The following DLGAP2 variants were observed in gnomAD, a reference collection of about 807,000 sequenced individuals.
The protein encoded by DLGAP2 is DLG associated protein 2, also known as disks large-associated protein 2.
Under a neutral mutation model 100.3 loss-of-function variants are expected in DLGAP2, and 26 were observed. That is an observed-to-expected ratio of 0.26 (90% confidence interval 0.19 to 0.36). The LOEUF (loss-of-function observed/expected upper bound fraction) is 0.36, where lower values mean the gene tolerates loss of function less well. Ranked by LOEUF, DLGAP2 falls within the 10% of genes least tolerant of loss-of-function variation. The pLI is 1.00. For synonymous variants in DLGAP2, 886 were observed against 630.1 expected (o/e 1.41, Z -6.08); for missense variants, 1,858 against 1,453.2 (o/e 1.28, Z -4.53).
chr8:908,629 G>T lies in DLGAP2; in HGVS notation c.73+663G>T, dbSNP rs534800085. Reference sequence around the variant, plus strand: ...ATTAAGGGGAAAAAAGAATCAGTCAGGGCTTGTTATCCTGTGGATATGGAT... The same window carrying T: ...ATTAAGGGGAAAAAAGAATCAGTCATGGCTTGTTATCCTGTGGATATGGAT... On this transcript the variant is annotated intron_variant, in intron 2 of 14. Coordinates refer to ENST00000637795, the MANE Select transcript of DLGAP2 (RefSeq NM_001346810.2). 3.1e-4 allele frequency among the ~76,000 whole-genome samples: 47 copies of T among 152,284 alleles called. 1 individual carries two copies. The highest frequency in any genetic ancestry group is 1.0e-3 in the African/African-American group (42 of 41,566).
At chr8:809,802 G>A (rs1004956748) in intron 1 of DLGAP2, among the ~76,000 whole-genome samples, 5 of 152,200 alleles carry the variant, frequency 3.3e-5, no homozygotes, top group African/African-American at 1.2e-4. Context: ...GGTGTCCTAA[G>A]GTGATGAGTT....
chr8:1,312,209 C>G (rs909483867), intron 3 of DLGAP2, among the ~76,000 whole-genome samples: 6 of 152,180 alleles, frequency 3.9e-5, no homozygotes, highest in Admixed American at 1.3e-4. Flanking sequence ...CGACATAGAT[C>G]ACAGACCTAA....
chr8:1,091,467 A>T (rs542905146), intron 2 of DLGAP2, among the ~76,000 whole-genome samples: 2 of 152,350 alleles, frequency 1.3e-5, no homozygotes, highest in South Asian at 4.1e-4. Context: ...ACAAAGAGAA[A>T]TGGAACATCG....
intron 1 of DLGAP2, among the ~76,000 whole-genome samples, chr8:863,874 T>A (rs2128990390): frequency 6.6e-6 from 1 of 152,120 alleles, no homozygotes; most frequent in Non-Finnish European, 1.5e-5. Context: ...CCCAAGGAAA[T>A]GAGGTTGGTG....
chr8:1,273,912 C>G (rs1447171372), intron 3 of DLGAP2, among the ~76,000 whole-genome samples: 4 of 152,154 alleles, frequency 2.6e-5, no homozygotes, highest in Admixed American at 1.3e-4. Flanking sequence ...CGGGAATCTG[C>G]TCTGACTCTG....
chr8:940,752 G>A (rs1389773695), intron 2 of DLGAP2, among the ~76,000 whole-genome samples: 1 of 152,188 alleles, frequency 6.6e-6, no homozygotes, highest in Non-Finnish European at 1.5e-5. Flanking sequence ...GTTTTCTGCA[G>A]CCACTTTTGT....
At chr8:1,420,335 G>T (rs1797054693) in intron 3 of DLGAP2, among the ~76,000 whole-genome samples, 1 of 152,154 alleles carries the variant, frequency 6.6e-6, no homozygotes, top group African/African-American at 2.4e-5. Context: ...CTCTGAGCAA[G>T]AAGTCGCTCT....
intron 2 of DLGAP2, among the ~76,000 whole-genome samples, chr8:1,232,591 T>C (rs535531377): frequency 1.3e-5 from 2 of 152,348 alleles, no homozygotes; most frequent in African/African-American, 4.8e-5. Context: ...ATCCTTTACA[T>C]TGGCTGATGT....
intron 2 of DLGAP2, among the ~76,000 whole-genome samples, chr8:985,481 A>G (rs1239318251): frequency 6.6e-6 from 1 of 152,262 alleles, no homozygotes. Flanking sequence ...GTAGTCTCAA[A>G]GATGTTAATT....
intron 2 of DLGAP2, among the ~76,000 whole-genome samples, chr8:1,207,100 A>G (rs554843102): frequency 4.6e-5 from 7 of 152,096 alleles, no homozygotes; most frequent in African/African-American, 1.4e-4. Flanking sequence ...TTCCTTTTTT[A>G]TTTCAATAGA....
rs1563275255 is a variant in DLGAP2 at position 1,641,885 on chromosome 8, T to TCACCTGTGTCACCCTCCAACCCGCCGGC, written c.1810+8840_1810+8841insACCTGTGTCACCCTCCAACCCGCCGGCC. ...CTCCCATACCCCTCGAACCCGCCGG[T>TCACCTGTGTCACCCTCCAACCCGCCGGC]CCTCACCTGTGTCACCCTCGACCCC... On this transcript the variant is annotated intron_variant, in intron 8 of 14. Coordinates refer to ENST00000637795, the MANE Select transcript of DLGAP2 (RefSeq NM_001346810.2). Among the ~76,000 whole-genome samples the TCACCTGTGTCACCCTCCAACCCGCCGGC allele has an allele frequency of 6.9e-5, 8 of 116,224 alleles. 1 individual carries two copies. In the South Asian group the frequency reaches 2.4e-3, roughly 35 times the overall value. The allele number at this position is 116,224 out of a possible 152,430, so 76.2% of individuals were successfully genotyped here.
At chr8:1,337,369 GTGATGA>G (rs1474858996) in intron 3 of DLGAP2, among the ~76,000 whole-genome samples, 2 of 1,682 alleles carry the variant, frequency 1.2e-3, no homozygotes, top group African/African-American at 5.2e-3. Flanking sequence ...GAGGATGACA[GTGATGA>G]TGATGGTGAT....
At chr8:1,222,483 T>G (rs1295517231) in intron 2 of DLGAP2, among the ~76,000 whole-genome samples, 1 of 152,146 alleles carries the variant, frequency 6.6e-6, no homozygotes, top group Non-Finnish European at 1.5e-5. Flanking sequence ...CTCAGTCCAC[T>G]GGTAACGACA....
At chr8:799,113 C>G (rs1422605637) in intron 1 of DLGAP2, among the ~76,000 whole-genome samples, 1 of 152,206 alleles carries the variant, frequency 6.6e-6, no homozygotes, top group African/African-American at 2.4e-5. Context: ...CCAGCTGTGA[C>G]TTCTTTTGGA....
At chr8:1,591,087 G>A (rs1796275892) in intron 6 of DLGAP2, among the ~76,000 whole-genome samples, 1 of 152,236 alleles carries the variant, frequency 6.6e-6, no homozygotes, top group Admixed American at 6.5e-5. Flanking sequence ...GCCGGCAGCT[G>A]CAGAACTGGG....
At chr8:1,558,604 A>G (rs1350445730) in intron 5 of DLGAP2, among the ~76,000 whole-genome samples, 1 of 151,870 alleles carries the variant, frequency 6.6e-6, no homozygotes, top group Non-Finnish European at 1.5e-5. Flanking sequence ...GCACACCCAT[A>G]TGCCTGCACA....
At chr8:750,490 CAAAG>C (rs1820763345) in intron 1 of DLGAP2, among the ~76,000 whole-genome samples, 1 of 152,074 alleles carries the variant, frequency 6.6e-6, no homozygotes, top group East Asian at 1.9e-4. Flanking sequence ...TAAAAATTGA[CAAAG>C]AATATAAACA....
At chr8:1,299,414 A>G (rs1044314636) in intron 3 of DLGAP2, among the ~76,000 whole-genome samples, 1 of 152,194 alleles carries the variant, frequency 6.6e-6, no homozygotes, top group Non-Finnish European at 1.5e-5. Context: ...ATCTCATCTA[A>G]TGTTTTTCCA....
intron 6 of DLGAP2, among the ~76,000 whole-genome samples, chr8:1,595,262 C>T (rs7461409): frequency 6.7e-4 from 101 of 151,832 alleles, no homozygotes; most frequent in African/African-American, 2.2e-3. Context: ...GTTTTACGGG[C>T]TTTTTTTAAA....
Sources: gnomAD v4.1 joint callset for allele counts (sites outside exome capture counted in the v4.1 genomes callset) on GRCh38, gnomAD v4.1.1 for gene constraint, MANE v1.5 for transcripts, NCBI Gene and HGNC (gene_info 2026-07-23, HGNC 2026-07-21) for gene names.